CFAP36: variants seen among roughly 807,000 people sequenced by gnomAD.
CFAP36 encodes cilia- and flagella-associated protein 36.
CFAP36 carries 37 observed loss-of-function variants against 50.5 expected under a neutral mutation model. That is an observed-to-expected ratio of 0.73 (90% CI 0.56 to 0.96). The LOEUF (loss-of-function observed/expected upper bound fraction) is 0.96, where lower values mean the gene tolerates loss of function less well. Ranked by LOEUF, CFAP36 falls within the 50% of genes least tolerant of loss-of-function variation. The pLI is 0.00. For missense variants in CFAP36, 407 were observed against 396.2 expected (o/e 1.03, Z -0.23); for synonymous variants, 138 against 128.2 (o/e 1.08, Z -0.52).
rs146707211 is a variant in CFAP36, at chr2:55,530,520, C to G, written c.397+1528C>G. On this transcript the variant is annotated intron_variant, in intron 4 of 9. Coordinates refer to ENST00000349456, the MANE Select transcript of CFAP36 (RefSeq NM_080667.7). Reference sequence around the variant, plus strand: ...ATCATGTGGAAGACAAAATGGAACTCAAAGCCCTATTAACCCTGGTTGGCT... The same window carrying G: ...ATCATGTGGAAGACAAAATGGAACTGAAAGCCCTATTAACCCTGGTTGGCT... 2.2e-3 allele frequency among the ~76,000 whole-genome samples: 328 copies of G among 152,298 alleles called. 2 individuals are homozygous for G. Among genetic ancestry groups the G allele is most frequent in the African/African-American group, 7.0e-3 (290 of 41,564 alleles).
At position 55,545,019 on chromosome 2, in the gene CFAP36, C is replaced by T. The variant is rs778399641; in HGVS notation, c.*11C>T. ...GTTATTAATAAGTAATAATTAAGAA[C>T]AATTTAACAAAATGGAAGTTCAAAT... On this transcript the variant is annotated 3_prime_UTR_variant, in exon 10 of 10. Coordinates refer to ENST00000349456, the MANE Select transcript of CFAP36 (RefSeq NM_080667.7). 9.0e-6 allele frequency: 13 copies of T among 1,438,846 alleles called. No homozygotes were observed. The Admixed American group carries it at 1.4e-4, about 16-fold the overall frequency. 89.1% of individuals were successfully genotyped at this position (1,438,846 alleles called of 1,614,324 possible).
rs1257401332 is a variant in CFAP36, at chr2:55,544,283, GATA to G, written c.843_845del (p.Asp281_Lys282delinsGlu). The G allele has an allele frequency of 6.2e-7, 1 of 1,613,804 alleles. No homozygotes were observed. The highest frequency in any genetic ancestry group is 1.3e-5 in the African/African-American group (1 of 74,898). ...AGAACACTATCTCAAGCAGAAGAGA[GATA>G]AGTTGATGTCCATGAGAAAGGATAT... On this transcript the variant is annotated inframe_deletion, in exon 9 of 10. Transcript: ENST00000349456.
chr2:55,536,143 T>C (rs1684480517), intron 6 of CFAP36, among the ~76,000 whole-genome samples: 2 of 151,966 alleles, frequency 1.3e-5, no homozygotes, highest in African/African-American at 4.8e-5. Flanking sequence ...CATTTTTTTT[T>C]TTTTTTTGAG....
At chr2:55,537,725 G>C in intron 7 of CFAP36, 140 bp downstream of exon 7, 1 of 608,714 alleles carries the variant, frequency 1.6e-6, no homozygotes, top group East Asian at 3.1e-5. Flanking sequence ...AACGTTCTTT[G>C]TGAATTTGGT....
intron 6 of CFAP36, among the ~76,000 whole-genome samples, chr2:55,536,285 A>G (rs1282676325): frequency 6.6e-6 from 1 of 151,668 alleles, no homozygotes; most frequent in Non-Finnish European, 1.5e-5. Context: ...AGCGTGCGCC[A>G]TCACGCCTGG....
At position 55,524,215 on chromosome 2, in the gene CFAP36, T is replaced by G. The variant is rs377423397; in HGVS notation, c.282+393T>G. Among the ~76,000 whole-genome samples the G allele has an allele frequency of 3.8e-4, 58 of 152,318 alleles. 1 individual carries two copies. The South Asian group carries it at 0.011, about 30-fold the overall frequency. ...TTGTATTATCTTACTGGTTGTGTAG[T>G]GCTAGGCTGAAGTAGTAATACATAT... On this transcript the variant is annotated intron_variant, in intron 3 of 9. Transcript: ENST00000349456.
At chr2:55,520,602 T>C (rs752811464) in intron 1 of CFAP36, 77 of 675,872 alleles carry the variant, frequency 1.1e-4, no homozygotes, top group Non-Finnish European at 1.6e-4. Context: ...CTCCGGGTTC[T>C]GAGCAGTTCT....
At position 55,544,047 on chromosome 2, in the gene CFAP36, G is replaced by C. The variant is rs757368168; in HGVS notation, c.750G>C (p.Glu250Asp). The C allele has an allele frequency of 6.2e-7, 1 of 1,613,974 alleles. No homozygotes were observed. The highest frequency in any genetic ancestry group is 1.7e-5 in the Admixed American group (1 of 59,978). The change falls in exon 8 of 10, where the codon GAG becomes GAC. Residue 250 changes from glutamate to aspartate, a missense_variant. Transcript: ENST00000349456. ...AAGACCTGAAGATTCCTGGCTTAGA[G>C]CATGCGAGCATTGAAGGACCAATAG... The part of the protein sequence containing the change: ...PQKDLKIPGL[E>D]HASIEGPIAN...
chr2:55,531,109 C>T (rs1684341441), intron 4 of CFAP36: 1 of 152,106 alleles, frequency 6.6e-6, no homozygotes, highest in South Asian at 2.1e-4. Context: ...GGGAAAACAC[C>T]ACCCTAACCC....
chr2:55,543,794 G>T, intron 7 of CFAP36, 144 bp from the exon 8 acceptor site: 1 of 796,070 alleles, frequency 1.3e-6, no homozygotes, highest in African/African-American at 1.7e-5. Context: ...GGCTGGCACA[G>T]TATAGGCACT....
chr2:55,521,448 C>T (rs1362546467), intron 1 of CFAP36, among the ~76,000 whole-genome samples: 1 of 151,758 alleles, frequency 6.6e-6, no homozygotes, highest in Non-Finnish European at 1.5e-5. Flanking sequence ...AGGATTTAAC[C>T]ATTAACAATA....
At chr2:55,528,294 G>T (rs571432256) in intron 3 of CFAP36, among the ~76,000 whole-genome samples, 1 of 151,342 alleles carries the variant, frequency 6.6e-6, no homozygotes, top group Non-Finnish European at 1.5e-5. Flanking sequence ...CTTGTTCTGA[G>T]GTCTACTTTA....
rs183896217 is a variant in CFAP36 at position 55,544,074 on chromosome 2, A to G, written c.777A>G (p.Ala259=). 6.3e-5 allele frequency: 102 copies of G among 1,613,522 alleles called. No homozygotes were observed. In the African/African-American group the frequency reaches 8.8e-4, roughly 14 times the overall value. ...ATGCGAGCATTGAAGGACCAATAGC[A>G]GTAAGTAAACGACATCACTTAAGAA... ...LEHASIEGPI[A]NLSVLGTEEL... The change falls in exon 8 of 10, where the codon GCA becomes GCG. Residue 259 remains alanine, a splice_region_variant and synonymous_variant. Transcript: ENST00000349456.
At position 55,544,024 on chromosome 2, in the gene CFAP36, G is replaced by A; in HGVS notation, c.727G>A (p.Asp243Asn). 6.2e-7 allele frequency: 1 copy of A among 1,613,952 alleles called. No individual in the cohort carries two copies. The highest frequency in any genetic ancestry group is 8.5e-7 in the Non-Finnish European group (1 of 1,179,916). Residue 243 changes from aspartate to asparagine, a missense_variant, in exon 8 of 10, where the codon GAC (aspartate) becomes AAC (asparagine). Transcript: ENST00000349456. ...RSETSSLPQK[D>N]LKIPGLEHAS... ...TGAAACTTCCTCCCTCCCACAAAAAGACCTGAAGATTCCTGGCTTAGAGCA... is the reference window on the plus strand; with the variant it reads ...TGAAACTTCCTCCCTCCCACAAAAAAACCTGAAGATTCCTGGCTTAGAGCA...
rs1420072715 is a variant in CFAP36, at chr2:55,544,486, ACCT to A, written c.927+121_927+123del. 4.3e-6 allele frequency: 4 copies of A among 927,320 alleles called. No individual in the cohort carries two copies. In the East Asian group the frequency reaches 1.1e-4, roughly 25 times the overall value. The allele number at this position is 927,320 out of a possible 1,614,324, so 57.4% of individuals were successfully genotyped here. Reference sequence around the variant, plus strand: ...GCTTGCAGACCCATTCATATTAATCACCTCCTAGTGCAGTAGCTGCTAAGTCTT... The same window carrying A: ...GCTTGCAGACCCATTCATATTAATCACCTAGTGCAGTAGCTGCTAAGTCTT... On this transcript the variant is annotated intron_variant, in intron 9 of 9. Transcript: ENST00000349456.
intron 7 of CFAP36, chr2:55,538,731 C>A: frequency 3.3e-6 from 5 of 1,512,322 alleles, no homozygotes; most frequent in Non-Finnish European, 4.5e-6. Flanking sequence ...GCATGAGCCA[C>A]TGTACCCATC....
At chr2:55,523,272 G>A (rs572530440) in intron 2 of CFAP36, among the ~76,000 whole-genome samples, 1 of 151,768 alleles carries the variant, frequency 6.6e-6, no homozygotes, top group Non-Finnish European at 1.5e-5. Context: ...AAAATTAGTC[G>A]GGCATTGTGG....
intron 7 of CFAP36, among the ~76,000 whole-genome samples, chr2:55,542,805 G>C (rs12617627): frequency 0.22 from 34,133 of 152,100 alleles, 3,937 homozygotes; most frequent in East Asian, 0.34. Flanking sequence ...GTCACTCTCA[G>C]TAATAACAGC....
chr2:55,526,063 T>A (rs1242587063), intron 3 of CFAP36, among the ~76,000 whole-genome samples: 1 of 152,190 alleles, frequency 6.6e-6, no homozygotes, highest in Non-Finnish European at 1.5e-5. Flanking sequence ...AGGGCCTGGT[T>A]GAAATGCTAC....
Sources: allele counts gnomAD v4.1 joint callset (sites outside exome capture counted in the v4.1 genomes callset), GRCh38; gene constraint gnomAD v4.1.1; transcripts MANE v1.5; gene names NCBI Gene and HGNC (gene_info 2026-07-23, HGNC 2026-07-21).